The following BDP1 variants were observed in gnomAD, a reference collection of about 807,000 sequenced individuals.
BDP1 encodes transcription factor TFIIIB component B'' homolog.
In BDP1, 169 loss-of-function variants were observed where a neutral mutation model predicts 266.6. The ratio of observed to expected loss-of-function variants is 0.63; its 90% CI spans 0.56 to 0.72. BDP1 has a LOEUF of 0.72. Among genes scored for constraint, BDP1 ranks in the 30% least tolerant of loss-of-function variants. BDP1 has a pLI of 0.00. For missense variants in BDP1, 3,015 were observed against 3,053.8 expected (o/e 0.99, Z 0.30); for synonymous variants, 1,090 against 1,022.4 (o/e 1.07, Z -1.26).
chr5:71,455,900 G>A lies in BDP1; in HGVS notation c.23G>A (p.Ser8Asn). The change falls in exon 1 of 39, where the codon AGC becomes AAC. Residue 8 changes from serine (S) to asparagine (N), a missense_variant. Ser to Asn is a conservative substitution (Grantham distance 46). This residue lies in a region of BDP1 where 2,383 missense variants were observed against 2,404.9 expected (regional missense o/e 0.99). Transcript: ENST00000358731. Reference sequence around the variant, plus strand: ...GCCATGTTCCGCAGGGCACGCCTTAGCGTGAAGCCGAATGTCAGGCCTGGT... The same window carrying A: ...GCCATGTTCCGCAGGGCACGCCTTAACGTGAAGCCGAATGTCAGGCCTGGT... MFRRARLSVKPNVRPGVG... is the reference protein window; with the variant it reads MFRRARLNVKPNVRPGVG... The A allele has an allele frequency of 6.2e-7, 1 of 1,600,720 alleles. No homozygotes were observed. Among genetic ancestry groups the A allele is most frequent in the Non-Finnish European group, 8.5e-7 (1 of 1,174,044 alleles).
At chr5:71,463,873 T>C (rs2150351920) in intron 3 of BDP1, among the ~76,000 whole-genome samples, 185 bp from the exon 4 acceptor site, 1 of 151,874 alleles carries the variant, frequency 6.6e-6, no homozygotes, top group African/African-American at 2.4e-5. Context: ...ACCTAACAAA[T>C]TATTTGTATG....
rs1743993650 is a variant in BDP1, at chr5:71,565,778, A to C, written c.*893A>C. 1 of 152,950 alleles carries C rather than the reference A, an allele frequency of 6.5e-6. No individual in the cohort carries two copies. Among genetic ancestry groups the C allele is most frequent in the Non-Finnish European group, 1.5e-5 (1 of 68,526 alleles). 9.5% of individuals were successfully genotyped at this position (152,950 alleles called of 1,614,324 possible). Reference sequence around the variant, plus strand: ...CACTTTAGTATGGCAAATGTTAAAGAACTTTTCTATTATCAGCTGTTTGTC... The same window carrying C: ...CACTTTAGTATGGCAAATGTTAAAGCACTTTTCTATTATCAGCTGTTTGTC... On this transcript the variant is annotated 3_prime_UTR_variant, in exon 39 of 39. Coordinates refer to ENST00000358731, the MANE Select transcript of BDP1 (RefSeq NM_018429.3).
chr5:71,471,332 G>T (rs138678848), intron 7 of BDP1, among the ~76,000 whole-genome samples: 25 of 152,016 alleles, frequency 1.6e-4, no homozygotes, highest in African/African-American at 6.0e-4. Context: ...CGTAGAGAGG[G>T]GGTTTTACCA....
intron 16 of BDP1, among the ~76,000 whole-genome samples, chr5:71,508,165 A>T (rs1036989768): frequency 6.6e-6 from 1 of 152,134 alleles, no homozygotes; most frequent in Non-Finnish European, 1.5e-5. Flanking sequence ...GGGTTTCATC[A>T]TGTTGGCCAG....
At chr5:71,545,471 A>G (rs751275860) in intron 32 of BDP1, 7 of 470,788 alleles carry the variant, frequency 1.5e-5, no homozygotes, top group Non-Finnish European at 2.6e-5. Context: ...AGCTGGGACT[A>G]CAGGCATGTG....
chr5:71,464,070 A>G lies in BDP1; in HGVS notation c.612A>G (p.Glu204=), dbSNP rs781577082. ...PDNNPMTSSL[E]QEKKTEKPST... ...TTATGTTCAATAGTTCTTCACTGGA[A>G]CAAGAAAAGAAAACTGAAAAGCCAT... Residue 204 remains glutamate (E), a synonymous_variant, in exon 4 of 39, where the codon GAA becomes GAG. Transcript: ENST00000358731. 4 of 1,570,348 alleles carry G rather than the reference A, an allele frequency of 2.5e-6. No individual in the cohort carries two copies. The highest frequency in any genetic ancestry group is 3.5e-6 in the Non-Finnish European group (4 of 1,153,888).
In BDP1 at chr5:71,567,484, G is replaced by C. The variant is rs1417345072; in HGVS notation, c.*2599G>C. 1 of 152,354 alleles carries C rather than the reference G, an allele frequency of 6.6e-6. No homozygotes were observed. The highest frequency in any genetic ancestry group is 1.5e-5 in the Non-Finnish European group (1 of 68,030). The allele number at this position is 152,354 out of a possible 1,614,324, so 9.4% of individuals were successfully genotyped here. The stretch of plus-strand genomic sequence containing the variant: ...TGTTAGGTCTGATTCATGTGAAGAA[G>C]ATGTTGCAAAGGATTTATTTCACAA... On this transcript the variant is annotated 3_prime_UTR_variant, in exon 39 of 39. Transcript: ENST00000358731.
chr5:71,577,324 C>T, the BDP1 span, among the ~76,000 whole-genome samples: 1 of 152,168 alleles, frequency 6.6e-6, no homozygotes, highest in East Asian at 1.9e-4. Flanking sequence ...TTGTGATGTC[C>T]TCTGTAGCTT....
intron 24 of BDP1, among the ~76,000 whole-genome samples, chr5:71,523,464 C>T (rs1027813453): frequency 1.6e-4 from 25 of 152,096 alleles, no homozygotes; most frequent in African/African-American, 6.0e-4. Flanking sequence ...CAGGCGTGCA[C>T]CACCGTGCCC....
intron 25 of BDP1, among the ~76,000 whole-genome samples, chr5:71,529,167 G>A (rs951725927): frequency 1.3e-5 from 2 of 152,136 alleles, no homozygotes; most frequent in Admixed American, 6.5e-5. Flanking sequence ...TGAGGTGGGC[G>A]AATCACGAGG....
intron 27 of BDP1, 97 bp from the exon 28 acceptor site, chr5:71,539,460 G>T (rs1184692349): frequency 1.1e-5 from 10 of 871,296 alleles, no homozygotes; most frequent in African/African-American, 1.7e-5. Flanking sequence ...ATTGGAATCT[G>T]CTCCTAGGAG....
At position 71,523,978 on chromosome 5, in the gene BDP1, T is replaced by C. The variant is rs1765639728; in HGVS notation, c.5427T>C (p.Ile1809=). The change falls in exon 25 of 39, where the codon ATT becomes ATC. Residue 1809 remains isoleucine, a synonymous_variant. Coordinates refer to ENST00000358731, the MANE Select transcript of BDP1 (RefSeq NM_018429.3). ...QPLNETSYSK[I]ALDGKTTISS... is the part of the protein sequence containing the mutation. ...TAAACGAAACAAGTTACTCTAAAATTGCCCTGGATGGGAAAACAACTATCT... is the reference window on the plus strand; with the variant it reads ...TAAACGAAACAAGTTACTCTAAAATCGCCCTGGATGGGAAAACAACTATCT... 2.5e-6 allele frequency: 4 copies of C among 1,613,956 alleles called. No individual in the cohort carries two copies. Among genetic ancestry groups the C allele is most frequent in the Middle Eastern group, 3.3e-4 (2 of 6,062 alleles).
chr5:71,555,133 TTA>T (rs529443944), intron 35 of BDP1, among the ~76,000 whole-genome samples: 1 of 152,212 alleles, frequency 6.6e-6, no homozygotes, highest in Non-Finnish European at 1.5e-5. Context: ...CTTCTGGAGA[TTA>T]TGTTATACAT....
intron 4 of BDP1, among the ~76,000 whole-genome samples, chr5:71,465,760 A>G (rs1405436054): frequency 6.6e-6 from 1 of 152,198 alleles, no homozygotes; most frequent in African/African-American, 2.4e-5. Flanking sequence ...GCGCGCCTGT[A>G]ATCCCAGCTA....
intron 28 of BDP1, among the ~76,000 whole-genome samples, chr5:71,540,853 G>A (rs568878009): frequency 4.6e-5 from 7 of 152,176 alleles, no homozygotes; most frequent in East Asian, 3.9e-4. Context: ...TGGGAGGATC[G>A]CTTGAGCTCA....
rs424791 is a variant in BDP1 at position 71,552,816 on chromosome 5, G to C, written c.6996-300G>C. Reference sequence around the variant, plus strand: ...GCATCAGAGGGAGACCGTGGAAAGAGAGGGAGAGGGAGACCATGGGGAGAG... The same window carrying C: ...GCATCAGAGGGAGACCGTGGAAAGACAGGGAGAGGGAGACCATGGGGAGAG... On this transcript the variant is annotated intron_variant, in intron 34 of 38. Transcript: ENST00000358731. Among the ~76,000 whole-genome samples, 31,302 of 151,782 alleles carry C rather than the reference G, an allele frequency of 0.21. 3,481 individuals carry two copies. Among genetic ancestry groups the C allele is most frequent in the Middle Eastern group, 0.34 (98 of 290 alleles).
intron 32 of BDP1, among the ~76,000 whole-genome samples, chr5:71,546,598 A>G (rs1340102516): frequency 2.5e-5 from 3 of 119,406 alleles, no homozygotes; most frequent in African/African-American, 9.4e-5. Flanking sequence ...AGCCTGGGCG[A>G]CAGAACAAGA....
chr5:71,542,199 C>T lies in BDP1; in HGVS notation c.6346C>T (p.Leu2116Phe). Residue 2116 changes from leucine (L) to phenylalanine (F), a missense_variant, in exon 30 of 39, where the codon CTT (leucine) becomes TTT (phenylalanine). By Grantham distance (22) the Leu-to-Phe change is conservative. Transcript: ENST00000358731. Reference sequence around the variant, plus strand: ...TGAGAAGACTTTAGGGACCAACAGGCTTGATGATTATCAGGAAGTTTCCAG... The same window carrying T: ...TGAGAAGACTTTAGGGACCAACAGGTTTGATGATTATCAGGAAGTTTCCAG... ...NLEKTLGTNR[L>F]DDYQEVSSLC... 6.2e-7 allele frequency: 1 copy of T among 1,613,372 alleles called. No individual in the cohort carries two copies. Among genetic ancestry groups the T allele is most frequent in the Non-Finnish European group, 8.5e-7 (1 of 1,179,764 alleles).
Position 71,458,759 on chromosome 5 carries a change from T to C in BDP1, c.393T>C (p.Thr131=). ...AAGAGGCTCCACAGCCAACTGCCAC[T>C]TCAACAAAAGAGAAACAGCCATGCT... is the stretch of plus-strand genomic sequence containing the variant. ...INQEAPQPTA[T]STKEKQPCSD... is the part of the protein sequence containing the mutation. The change falls in exon 2 of 39, where the codon ACT becomes ACC. Residue 131 remains threonine, a synonymous_variant. Transcript: ENST00000358731. The C allele has an allele frequency of 6.2e-7, 1 of 1,614,096 alleles. No individual in the cohort carries two copies.
Sources: gnomAD v4.1 joint callset for allele counts (sites outside exome capture counted in the v4.1 genomes callset) on GRCh38, gnomAD v4.1.1 for gene constraint, gnomAD v4.1.1 regional missense constraint, MANE v1.5 for transcripts, NCBI Gene and HGNC (gene_info 2026-07-23, HGNC 2026-07-21) for gene names.